Variants in TTC23 observed in about 807,000 individuals in gnomAD.
The protein encoded by TTC23 is tetratricopeptide repeat protein 23.
In TTC23, 58 loss-of-function variants were observed where a neutral mutation model predicts 55.1. That is an observed-to-expected ratio of 1.05 (90% CI 0.85 to 1.31). The LOEUF is 1.31. Among genes scored for constraint, TTC23 ranks in the 50% most tolerant of loss-of-function variants. The pLI is 0.00. For missense variants in TTC23, 516 were observed against 534.4 expected, an observed-to-expected ratio of 0.97 and a Z score of 0.34; for synonymous variants, 203 against 199.9, an observed-to-expected ratio of 1.02 and a Z score of -0.13.
intron 10 of TTC23, among the ~76,000 whole-genome samples, chr15:99,170,475 G>A (rs1386723762): frequency 6.6e-6 from 1 of 152,196 alleles, no homozygotes; most frequent in Non-Finnish European, 1.5e-5. Flanking sequence ...GCACAGGAGA[G>A]CAGAGCTAAG....
At chr15:99,244,432 C>T (rs531687175) in intron 2 of TTC23, among the ~76,000 whole-genome samples, 6 of 151,846 alleles carry the variant, frequency 4.0e-5, no homozygotes, top group East Asian at 1.9e-4. Flanking sequence ...CCAATTAGAA[C>T]GACTAAATAA....
chr15:99,218,722 T>C lies in TTC23; in HGVS notation c.456-9A>G. ...CTGCAGCTTCCTTAAATCTGAATTG[T>C]GTTCAGGAAATTTTCCACTTGGTTC... On this transcript the variant is annotated splice_polypyrimidine_tract_variant and intron_variant, in intron 7 of 13. Transcript: ENST00000394132. The C allele has an allele frequency of 6.2e-7, 1 of 1,613,774 alleles. No homozygotes were observed. The highest frequency in any genetic ancestry group is 8.5e-7 in the Non-Finnish European group (1 of 1,179,990).
chr15:99,207,620 G>C (rs2076727965), intron 8 of TTC23, among the ~76,000 whole-genome samples: 1 of 152,144 alleles, frequency 6.6e-6, no homozygotes, highest in Non-Finnish European at 1.5e-5. Flanking sequence ...AGCTGGGCCT[G>C]GTGGCATGTG....
chr15:99,232,051 C>T lies in TTC23; in HGVS notation c.-21+2937G>A, dbSNP rs568415423. Among the ~76,000 whole-genome samples, 6 of 151,290 alleles carry T rather than the reference C, an allele frequency of 4.0e-5. No individual in the cohort carries two copies. The East Asian group carries it at 1.2e-3, about 30-fold the overall frequency. On this transcript the variant is annotated intron_variant, in intron 4 of 13. Coordinates refer to ENST00000394132, the MANE Select transcript of TTC23 (RefSeq NM_001288615.3). ...AGGTGATCCACCCGCCTTGGCCGCC[C>T]AAAGTGCTGGGATTACAGGCATGAG...
chr15:99,196,575 T>C (rs1319258976), intron 9 of TTC23, among the ~76,000 whole-genome samples: 1 of 152,218 alleles, frequency 6.6e-6, no homozygotes, highest in East Asian at 1.9e-4. Context: ...TTCCTGGAGA[T>C]GTGCACAACC....
chr15:99,212,004 T>C (rs934223442), intron 8 of TTC23, among the ~76,000 whole-genome samples: 1 of 152,184 alleles, frequency 6.6e-6, no homozygotes, highest in African/African-American at 2.4e-5. Context: ...GAGCCTACAT[T>C]GTTAATGACA....
intron 9 of TTC23, among the ~76,000 whole-genome samples, chr15:99,185,905 C>T (rs1422603986): frequency 6.6e-6 from 1 of 152,062 alleles, no homozygotes; most frequent in Admixed American, 6.5e-5. Context: ...TGCTTTGGAA[C>T]TTTTCTGTAT....
At chr15:99,183,412 C>G (rs1217996644) in intron 9 of TTC23, among the ~76,000 whole-genome samples, 1 of 151,318 alleles carries the variant, frequency 6.6e-6, no homozygotes, top group Non-Finnish European at 1.5e-5. Context: ...ACCTCCGCCT[C>G]CTGGGTTCAA....
At chr15:99,222,525 C>G (rs1438476179) in intron 5 of TTC23, among the ~76,000 whole-genome samples, 1 of 152,206 alleles carries the variant, frequency 6.6e-6, no homozygotes, top group Non-Finnish European at 1.5e-5. Flanking sequence ...CAATTCAAAA[C>G]TTTCCTTAGC....
chr15:99,152,156 G>A (rs1316716123), intron 12 of TTC23, among the ~76,000 whole-genome samples: 5 of 152,146 alleles, frequency 3.3e-5, no homozygotes, highest in African/African-American at 1.2e-4. Context: ...AGATCTGGCT[G>A]TTTAAAAGTA....
chr15:99,229,028 C>T (rs554165095), intron 4 of TTC23, among the ~76,000 whole-genome samples: 1 of 151,960 alleles, frequency 6.6e-6, no homozygotes, highest in South Asian at 2.1e-4. Context: ...CACATACATA[C>T]ATACGTAAAG....
intron 9 of TTC23, among the ~76,000 whole-genome samples, chr15:99,182,308 C>T (rs1028497228): frequency 4.6e-5 from 7 of 151,270 alleles, no homozygotes; most frequent in Admixed American, 1.3e-4. Context: ...AACCCAGCCA[C>T]GTGCCGCTCT....
chr15:99,185,056 C>G (rs894472986), intron 9 of TTC23, among the ~76,000 whole-genome samples: 5 of 152,094 alleles, frequency 3.3e-5, no homozygotes, highest in Non-Finnish European at 5.9e-5. Flanking sequence ...CCTGAGGCCT[C>G]CCTAGTCATA....
chr15:99,139,016 G>A (rs1555488623), intron 13 of TTC23: 4 of 441,370 alleles, frequency 9.1e-6, no homozygotes, highest in African/African-American at 8.0e-5. Flanking sequence ...GCTGCAGGAG[G>A]CCACAGGGAT....
chr15:99,250,454 G>A (rs1008537003), upstream of TTC23, among the ~76,000 whole-genome samples: 5 of 152,152 alleles, frequency 3.3e-5, no homozygotes, highest in African/African-American at 1.2e-4. Context: ...TCCTTGACAA[G>A]GAGCCTCGCA....
intron 9 of TTC23, among the ~76,000 whole-genome samples, chr15:99,182,926 T>C (rs146597014): frequency 2.0e-5 from 3 of 151,952 alleles, no homozygotes; most frequent in East Asian, 1.9e-4. Context: ...AAAAGTGAAA[T>C]AGTATGAAAA....
intron 5 of TTC23, among the ~76,000 whole-genome samples, chr15:99,228,151 C>T (rs2078617941): frequency 6.6e-6 from 1 of 152,168 alleles, no homozygotes; most frequent in African/African-American, 2.4e-5. Context: ...AGAGAAATGC[C>T]TACTGAATGA....
At position 99,164,749 on chromosome 15, in the gene TTC23, A is replaced by C. The variant is rs56921126; in HGVS notation, c.866-2882T>G. Among the ~76,000 whole-genome samples, 1,302 of 151,996 alleles carry C rather than the reference A, an allele frequency of 8.6e-3. 23 individuals carry two copies. The highest frequency in any genetic ancestry group is 0.029 in the African/African-American group (1,216 of 41,440). On this transcript the variant is annotated intron_variant, in intron 10 of 13. Transcript: ENST00000394132. ...GAATTGATTTGGATTTATTTTTCTCATTCTGTGACGGTAATGCCAGGTGCT... is the reference window on the plus strand; with the variant it reads ...GAATTGATTTGGATTTATTTTTCTCCTTCTGTGACGGTAATGCCAGGTGCT...
intron 10 of TTC23, among the ~76,000 whole-genome samples, chr15:99,171,014 G>T (rs895492009): frequency 6.6e-6 from 1 of 152,150 alleles, no homozygotes; most frequent in Non-Finnish European, 1.5e-5. Context: ...TGCTTTTATT[G>T]TTCCTGATGT....
Sources: allele counts gnomAD v4.1 joint callset (sites outside exome capture counted in the v4.1 genomes callset), GRCh38; gene constraint gnomAD v4.1.1; transcripts MANE v1.5; gene names NCBI Gene and HGNC (gene_info 2026-07-23, HGNC 2026-07-21).